Variants in LGSN observed in about 807,000 individuals in gnomAD.
LGSN encodes lengsin, lens protein with glutamine synthetase domain.
LGSN carries 21 observed loss-of-function variants against 19.5 expected under a neutral mutation model. That is an observed-to-expected ratio of 1.07 (90% CI 0.76 to 1.55). LGSN has a LOEUF of 1.55. Among genes scored for constraint, LGSN ranks in the 40% most tolerant of loss-of-function variants. The pLI is 0.00. For synonymous variants in LGSN, 257 were observed against 215.6 expected (o/e 1.19, Z -1.68); for missense variants, 673 against 608.5 (o/e 1.11, Z -1.12).
At chr6:63,365,390 G>C in the LGSN span, among the ~76,000 whole-genome samples, 4 of 152,132 alleles carry the variant, frequency 2.6e-5, no homozygotes, top group African/African-American at 9.7e-5. Flanking sequence ...AATCCAGGAA[G>C]AAGTTGAATC....
the LGSN span, among the ~76,000 whole-genome samples, chr6:63,513,871 A>G: frequency 7.5e-6 from 1 of 132,712 alleles, no homozygotes; most frequent in Non-Finnish European, 1.5e-5. Flanking sequence ...AGATCCTACC[A>G]TTGCACTCCA....
At chr6:63,509,313 C>T in the LGSN span, among the ~76,000 whole-genome samples, 1 of 152,042 alleles carries the variant, frequency 6.6e-6, no homozygotes, top group Non-Finnish European at 1.5e-5. Context: ...GATCCGCCTG[C>T]CTTGGCCTCT....
upstream of LGSN, among the ~76,000 whole-genome samples, chr6:63,320,171 T>C (rs1444242143): frequency 4.6e-5 from 7 of 152,196 alleles, no homozygotes; most frequent in Non-Finnish European, 1.0e-4. Context: ...CAAATGCTTG[T>C]TTACGCCTGA....
chr6:63,374,881 A>C, the LGSN span, among the ~76,000 whole-genome samples: 1 of 152,218 alleles, frequency 6.6e-6, no homozygotes, highest in Non-Finnish European at 1.5e-5. Flanking sequence ...CTCTTGCTTA[A>C]GGAAATATTG....
At chr6:63,535,315 A>C in the LGSN span, among the ~76,000 whole-genome samples, 1 of 152,042 alleles carries the variant, frequency 6.6e-6, no homozygotes, top group Non-Finnish European at 1.5e-5. Context: ...AAATACAAAA[A>C]ATAAGCCAGG....
At chr6:63,403,115 G>C in the LGSN span, among the ~76,000 whole-genome samples, 1 of 151,802 alleles carries the variant, frequency 6.6e-6, no homozygotes, top group African/African-American at 2.4e-5. Flanking sequence ...GAGAGAGAGA[G>C]AGAACAACAT....
At chr6:63,513,016 G>T in the LGSN span, among the ~76,000 whole-genome samples, 1 of 152,178 alleles carries the variant, frequency 6.6e-6, no homozygotes, top group Non-Finnish European at 1.5e-5. Context: ...CCAAACCATA[G>T]GGACATTCAG....
the LGSN span, among the ~76,000 whole-genome samples, chr6:63,341,982 T>C: frequency 5.3e-5 from 8 of 152,140 alleles, no homozygotes; most frequent in African/African-American, 1.9e-4. Context: ...GGAACAGGGA[T>C]GGTGAAGATT....
the LGSN span, among the ~76,000 whole-genome samples, chr6:63,444,435 G>A: frequency 6.6e-6 from 1 of 152,282 alleles, no homozygotes; most frequent in Admixed American, 6.5e-5. Context: ...CAAGAAGACT[G>A]TTACACAAGT....
the LGSN span, among the ~76,000 whole-genome samples, chr6:63,439,583 T>C: frequency 1.3e-5 from 2 of 151,922 alleles, no homozygotes; most frequent in Non-Finnish European, 2.9e-5. Context: ...GGACAGGAGG[T>C]CATTTTACAT....
the LGSN span, among the ~76,000 whole-genome samples, chr6:63,493,882 T>C: frequency 6.6e-6 from 1 of 152,002 alleles, no homozygotes; most frequent in African/African-American, 2.4e-5. Flanking sequence ...GATTCAATTT[T>C]CAAAAATCAA....
At chr6:63,416,572 T>C in the LGSN span, among the ~76,000 whole-genome samples, 1 of 152,090 alleles carries the variant, frequency 6.6e-6, no homozygotes, top group East Asian at 1.9e-4. Context: ...GTTTTTTTGT[T>C]GTTGTTGTTT....
At chr6:63,358,607 G>A in the LGSN span, among the ~76,000 whole-genome samples, 57 of 152,234 alleles carry the variant, frequency 3.7e-4, no homozygotes, top group South Asian at 8.3e-4. Context: ...GTGAATGGGA[G>A]TTCACTCATG....
At chr6:63,400,916 C>T in the LGSN span, among the ~76,000 whole-genome samples, 1 of 151,640 alleles carries the variant, frequency 6.6e-6, no homozygotes, top group African/African-American at 2.4e-5. Flanking sequence ...ATCACTTGAA[C>T]CCAGGAGGTG....
the LGSN span, among the ~76,000 whole-genome samples, chr6:63,407,311 C>T: frequency 1.3e-5 from 2 of 152,014 alleles, no homozygotes; most frequent in South Asian, 4.1e-4. Context: ...TCCAGCAGCA[C>T]ATCAAAAAGC....
the LGSN span, among the ~76,000 whole-genome samples, chr6:63,420,081 T>C: frequency 6.6e-6 from 1 of 151,332 alleles, no homozygotes; most frequent in South Asian, 2.1e-4. Flanking sequence ...CAGGCTCCTG[T>C]AGTCCCAGCT....
the LGSN span, among the ~76,000 whole-genome samples, chr6:63,400,008 G>A: frequency 6.6e-6 from 1 of 151,972 alleles, no homozygotes; most frequent in Admixed American, 6.6e-5. Context: ...TCTTAACCTA[G>A]ACTTAATTCT....
At chr6:63,333,192 T>C in the LGSN span, among the ~76,000 whole-genome samples, 4 of 152,128 alleles carry the variant, frequency 2.6e-5, no homozygotes, top group East Asian at 7.8e-4. Flanking sequence ...ACCTACATCC[T>C]GCTGGCTGGT....
At chr6:63,323,725 T>C (rs1377090932), upstream of LGSN, among the ~76,000 whole-genome samples, 2 of 151,430 alleles carry the variant, frequency 1.3e-5, no homozygotes, top group East Asian at 3.9e-4. Flanking sequence ...ATTGCTCTAA[T>C]GTCTAGCTTA....
Sources: gnomAD v4.1 joint callset for allele counts (sites outside exome capture counted in the v4.1 genomes callset) on GRCh38, gnomAD v4.1.1 for gene constraint, MANE v1.5 for transcripts, NCBI Gene and HGNC (gene_info 2026-07-23, HGNC 2026-07-21) for gene names.